The following USH2A variants were observed in gnomAD, a reference collection of about 807,000 sequenced individuals.
USH2A encodes the protein usherin, also known as Usher syndrome 2A (autosomal recessive, mild).
Under a neutral mutation model 538.9 loss-of-function variants are expected in USH2A, and 443 were observed. That is an observed-to-expected ratio of 0.82 (90% CI 0.76 to 0.89). The LOEUF (loss-of-function observed/expected upper bound fraction) is 0.89, where lower values mean the gene tolerates loss of function less well. USH2A is among the 40% of genes least tolerant of loss of function. The pLI is 0.00. For synonymous variants in USH2A, 2,413 were observed against 2,273.5 expected (o/e 1.06, Z -1.75); for missense variants, 6,633 against 6,324.8 (o/e 1.05, Z -1.65).
chr1:215,681,225 C>T (rs1342765), intron 61 of USH2A, among the ~76,000 whole-genome samples: 28,969 of 151,932 alleles, frequency 0.19, 3,089 homozygotes, highest in South Asian at 0.47. Context: ...TCTAAAGGCC[C>T]TGGGGTGCTC....
chr1:216,257,984 C>T (rs994016745), intron 11 of USH2A, among the ~76,000 whole-genome samples: 1 of 151,874 alleles, frequency 6.6e-6, no homozygotes, highest in Admixed American at 6.6e-5. Context: ...AACATACTGG[C>T]CTGATAATTC....
At chr1:216,249,607 G>T (rs146963039) in intron 12 of USH2A, among the ~76,000 whole-genome samples, 379 of 152,140 alleles carry the variant, frequency 2.5e-3, no homozygotes, top group African/African-American at 8.8e-3. Context: ...ATTAGTTTCT[G>T]TATGCTTGAG....
At chr1:215,724,866 G>A (rs555216459) in intron 61 of USH2A, among the ~76,000 whole-genome samples, 165 of 152,250 alleles carry the variant, frequency 1.1e-3, no homozygotes, top group African/African-American at 3.7e-3. Context: ...AGATTGAATT[G>A]TCAATAATTT....
intron 62 of USH2A, among the ~76,000 whole-genome samples, chr1:215,677,253 C>T (rs1253234291): frequency 6.6e-6 from 1 of 152,090 alleles, no homozygotes; most frequent in African/African-American, 2.4e-5. Flanking sequence ...CGCTGTATCC[C>T]ATCCCTTCCT....
At chr1:216,072,586 C>A in intron 29 of USH2A, 1 of 416,898 alleles carries the variant, frequency 2.4e-6, no homozygotes, top group Non-Finnish European at 4.5e-6. Flanking sequence ...GGTTACCTAT[C>A]CTTAGACATG....
intron 21 of USH2A, among the ~76,000 whole-genome samples, chr1:216,105,294 A>G (rs549421498): frequency 6.6e-6 from 1 of 151,928 alleles, no homozygotes; most frequent in Non-Finnish European, 1.5e-5. Context: ...GCTTTTATTT[A>G]TTAGGTCTAT....
At chr1:216,124,007 T>C (rs1195934018) in intron 21 of USH2A, among the ~76,000 whole-genome samples, 1 of 152,104 alleles carries the variant, frequency 6.6e-6, no homozygotes, top group Non-Finnish European at 1.5e-5. Context: ...GAAGATCCTC[T>C]CAATAGACTA....
At chr1:216,079,002 A>C (rs1400905197) in intron 26 of USH2A, 1 of 152,142 alleles carries the variant, frequency 6.6e-6, no homozygotes, top group South Asian at 2.1e-4. Context: ...ATAGTAAAAA[A>C]TAAGTTCATA....
At chr1:216,192,716 A>G (rs184441012) in intron 19 of USH2A, among the ~76,000 whole-genome samples, 3 of 152,178 alleles carry the variant, frequency 2.0e-5, no homozygotes, top group East Asian at 1.9e-4. Context: ...AAATAAAAAT[A>G]AAAAAGAGAA....
At chr1:216,284,740 G>C (rs985293656) in intron 11 of USH2A, among the ~76,000 whole-genome samples, 1 of 152,204 alleles carries the variant, frequency 6.6e-6, no homozygotes, top group East Asian at 1.9e-4. Context: ...AAGACAGAAA[G>C]ATGTGGGAAA....
intron 70 of USH2A, among the ~76,000 whole-genome samples, chr1:215,629,540 T>A (rs1467639974): frequency 6.6e-6 from 1 of 152,174 alleles, no homozygotes; most frequent in East Asian, 1.9e-4. Flanking sequence ...CCTGGATTTG[T>A]GTAGGGAAAT....
chr1:216,248,421 A>G (rs891532126), intron 12 of USH2A, among the ~76,000 whole-genome samples: 2 of 152,106 alleles, frequency 1.3e-5, no homozygotes, highest in Non-Finnish European at 2.9e-5. Flanking sequence ...GAATCAACTG[A>G]AACATTTATT....
At chr1:215,996,107 C>T (rs762805099) in intron 34 of USH2A, among the ~76,000 whole-genome samples, 1 of 152,110 alleles carries the variant, frequency 6.6e-6, no homozygotes, top group South Asian at 2.1e-4. Context: ...GATGGGTTTT[C>T]GCCATGTTGG....
chr1:216,362,450 T>C (rs1298203092), intron 4 of USH2A, among the ~76,000 whole-genome samples: 2 of 152,164 alleles, frequency 1.3e-5, no homozygotes, highest in Admixed American at 6.6e-5. Context: ...GGATAGTTAG[T>C]GTTTAAGGAA....
chr1:216,334,559 C>A (rs927420348), intron 4 of USH2A, among the ~76,000 whole-genome samples: 2 of 151,786 alleles, frequency 1.3e-5, no homozygotes, highest in African/African-American at 4.8e-5. Context: ...ACAAACATGA[C>A]CCCCTATAGG....
chr1:215,635,349 G>T (rs1656442434), intron 69 of USH2A, among the ~76,000 whole-genome samples: 1 of 152,162 alleles, frequency 6.6e-6, no homozygotes, highest in Admixed American at 6.5e-5. Flanking sequence ...CCTATGGAAA[G>T]AAATCTTTTA....
At chr1:216,224,949 T>C (rs2035531782) in intron 14 of USH2A, among the ~76,000 whole-genome samples, 1 of 152,166 alleles carries the variant, frequency 6.6e-6, no homozygotes, top group Non-Finnish European at 1.5e-5. Context: ...TTTTTATAAA[T>C]GTAAACATTT....
Position 215,782,881 on chromosome 1 carries a change from C to T in USH2A, c.10442G>A (p.Ser3481Asn). 1 of 1,613,842 alleles carries T rather than the reference C, an allele frequency of 6.2e-7. No individual in the cohort carries two copies. Among genetic ancestry groups the T allele is most frequent in the Non-Finnish European group, 8.5e-7 (1 of 1,179,886 alleles). Residue 3481 changes from serine (S) to asparagine (N), a missense_variant, in exon 53 of 72, where the codon AGC (serine) becomes AAC (asparagine). Ser to Asn is a conservative substitution (Grantham distance 46, BLOSUM62 1). Transcript: ENST00000307340. ...TYEYRISAWN[S>N]YGRGLSKAVR... Reference sequence around the variant, plus strand: ...AGCTTTGCTGAGTCCTCGCCCATAGCTGTTCCAGGCAGAAATCCTGTACTC... The same window carrying T: ...AGCTTTGCTGAGTCCTCGCCCATAGTTGTTCCAGGCAGAAATCCTGTACTC...
chr1:216,324,661 G>A (rs977780274), intron 6 of USH2A, among the ~76,000 whole-genome samples: 11 of 151,996 alleles, frequency 7.2e-5, no homozygotes, highest in Admixed American at 6.6e-4. Flanking sequence ...AAGCACCTTA[G>A]TTTGTATTAA....
Sources: allele counts gnomAD v4.1 joint callset (sites outside exome capture counted in the v4.1 genomes callset), GRCh38; gene constraint gnomAD v4.1.1; transcripts MANE v1.5; gene names NCBI Gene and HGNC (gene_info 2026-07-23, HGNC 2026-07-21).